The following FAM168A variants were observed in gnomAD, a reference collection of about 807,000 sequenced individuals.
The protein encoded by FAM168A is protein FAM168A.
Under a neutral mutation model 28.5 loss-of-function variants are expected in FAM168A, and 3 were observed. That is an observed-to-expected ratio of 0.11 (90% CI 0.05 to 0.27). FAM168A has a LOEUF of 0.27. Ranked by LOEUF, FAM168A falls within the 10% of genes least tolerant of loss-of-function variation. The pLI, the probability that FAM168A is intolerant of heterozygous loss-of-function variation, is 1.00. For synonymous variants in FAM168A, 122 were observed against 124.2 expected (o/e 0.98, Z 0.12); for missense variants, 222 against 311.5 (o/e 0.71, Z 2.16).
chr11:73,526,884 A>C (rs1308284557), intron 1 of FAM168A, among the ~76,000 whole-genome samples: 3 of 151,492 alleles, frequency 2.0e-5, no homozygotes, highest in Non-Finnish European at 4.4e-5. Flanking sequence ...AAAAAAAAAA[A>C]AAAAAAAAAC....
chr11:73,448,687 C>T (rs1274663094), intron 2 of FAM168A, among the ~76,000 whole-genome samples: 1 of 152,164 alleles, frequency 6.6e-6, no homozygotes, highest in Non-Finnish European at 1.5e-5. Flanking sequence ...TCTTTGCTTT[C>T]CTAGGAGAAG....
At chr11:73,560,274 A>C (rs962026938) in intron 1 of FAM168A, among the ~76,000 whole-genome samples, 5 of 151,790 alleles carry the variant, frequency 3.3e-5, no homozygotes, top group African/African-American at 1.2e-4. Context: ...ATGTTGCCCA[A>C]GTGGTCTTGA....
At chr11:73,450,441 A>C (rs926079483) in intron 2 of FAM168A, among the ~76,000 whole-genome samples, 3 of 152,252 alleles carry the variant, frequency 2.0e-5, no homozygotes, top group Admixed American at 6.5e-5. Context: ...GAAGCCCAAG[A>C]ATTAGCATTT....
chr11:73,559,795 A>G (rs1190342199), intron 1 of FAM168A, among the ~76,000 whole-genome samples: 1 of 152,248 alleles, frequency 6.6e-6, no homozygotes, highest in East Asian at 1.9e-4. Flanking sequence ...TGATATATAA[A>G]TTTCACCTCA....
chr11:73,455,867 T>C (rs1462288321), intron 2 of FAM168A, among the ~76,000 whole-genome samples: 1 of 152,170 alleles, frequency 6.6e-6, no homozygotes, highest in Non-Finnish European at 1.5e-5. Context: ...CTTTCTCTTT[T>C]AACAGCTCCT....
At chr11:73,454,513 G>A (rs1324817486) in intron 2 of FAM168A, among the ~76,000 whole-genome samples, 5 of 152,176 alleles carry the variant, frequency 3.3e-5, no homozygotes, top group African/African-American at 1.2e-4. Flanking sequence ...ATAGGGATAG[G>A]GGGCAGAGAA....
rs1866392027 is a variant in FAM168A, at chr11:73,400,867, A to G, written c.*5896T>C. On this transcript the variant is annotated 3_prime_UTR_variant, in exon 8 of 8. Coordinates refer to ENST00000356467, the MANE Select transcript of FAM168A (RefSeq NM_015159.3). Reference sequence around the variant, plus strand: ...GCTTACAGTAAATACCATAGTTACAAATTCTTGGCTTCAATCTTTCAGAGT... The same window carrying G: ...GCTTACAGTAAATACCATAGTTACAGATTCTTGGCTTCAATCTTTCAGAGT... 1 of 151,896 alleles carries G rather than the reference A, an allele frequency of 6.6e-6. No individual in the cohort carries two copies. Among genetic ancestry groups the G allele is most frequent in the African/African-American group, 2.4e-5 (1 of 41,276 alleles). The allele number at this position is 151,896 out of a possible 1,614,324, so 9.4% of individuals were successfully genotyped here. A position where few individuals can be genotyped will look rare whatever the true frequency, so the allele number is the denominator to read the frequency against.
chr11:73,410,110 T>TTG, intron 5 of FAM168A, among the ~76,000 whole-genome samples: 1 of 151,482 alleles, frequency 6.6e-6, no homozygotes. Context: ...AAAGTACATG[T>TTG]TGAAAAAAAA....
At chr11:73,583,917 T>C (rs1944278398) in intron 1 of FAM168A, among the ~76,000 whole-genome samples, 1 of 152,178 alleles carries the variant, frequency 6.6e-6, no homozygotes, top group South Asian at 2.1e-4. Context: ...AGTTTAACAC[T>C]AACTCCTATC....
chr11:73,409,369 A>T, intron 6 of FAM168A, 118 bp downstream of exon 6: 2 of 1,341,326 alleles, frequency 1.5e-6, no homozygotes, highest in Non-Finnish European at 2.0e-6. Context: ...TGGGTTCCCA[A>T]GCCCCCTGGC....
At chr11:73,586,952 C>T (rs943995841) in intron 1 of FAM168A, among the ~76,000 whole-genome samples, 2 of 151,764 alleles carry the variant, frequency 1.3e-5, no homozygotes, top group Admixed American at 6.6e-5. Context: ...TCTACTAAGG[C>T]AAAGAAAAAA....
At position 73,587,740 on chromosome 11, in the gene FAM168A, A is replaced by G. The variant is rs1480773174; in HGVS notation, c.-19+10183T>C. On this transcript the variant is annotated intron_variant, in intron 1 of 7. Coordinates refer to ENST00000356467, the MANE Select transcript of FAM168A (RefSeq NM_015159.3). ...TCTATGTGAAGAAATGGAAAAATGGAATGTACATTTAAAGCATTTTTTTTT... is the reference window on the plus strand; with the variant it reads ...TCTATGTGAAGAAATGGAAAAATGGGATGTACATTTAAAGCATTTTTTTTT... Among the ~76,000 whole-genome samples, 5 of 152,164 alleles carry G rather than the reference A, an allele frequency of 3.3e-5. No homozygotes were observed. The South Asian group carries it at 8.3e-4, about 25-fold the overall frequency.
intron 2 of FAM168A, among the ~76,000 whole-genome samples, chr11:73,467,880 T>C (rs569204490): frequency 1.3e-5 from 2 of 152,352 alleles, no homozygotes; most frequent in South Asian, 4.1e-4. Flanking sequence ...AAATATTTAC[T>C]GTTAATTTAA....
chr11:73,560,152 C>T (rs541273348), intron 1 of FAM168A, among the ~76,000 whole-genome samples: 4 of 152,178 alleles, frequency 2.6e-5, no homozygotes, highest in Admixed American at 2.0e-4. Flanking sequence ...CAGCCTCGAC[C>T]CCTCGGACTC....
chr11:73,530,451 A>T (rs2134663512), intron 1 of FAM168A, among the ~76,000 whole-genome samples: 1 of 152,260 alleles, frequency 6.6e-6, no homozygotes. Flanking sequence ...ATCTTGGTAC[A>T]TTTCAAAGCA....
chr11:73,513,924 C>T (rs1443641921), intron 1 of FAM168A, among the ~76,000 whole-genome samples: 1 of 152,244 alleles, frequency 6.6e-6, no homozygotes, highest in Non-Finnish European at 1.5e-5. Flanking sequence ...TGACTCATGC[C>T]TATAATCCTA....
chr11:73,430,983 G>A (rs779169717), intron 2 of FAM168A, among the ~76,000 whole-genome samples: 1 of 151,980 alleles, frequency 6.6e-6, no homozygotes, highest in Non-Finnish European at 1.5e-5. Flanking sequence ...AATATATGCA[G>A]ACTTTTTGGT....
intron 1 of FAM168A, among the ~76,000 whole-genome samples, chr11:73,542,903 C>A (rs1205380721): frequency 1.3e-5 from 2 of 152,152 alleles, no homozygotes; most frequent in African/African-American, 4.8e-5. Context: ...CGGGAAAATT[C>A]TCCTCTTCTC....
chr11:73,430,580 T>C, intron 3 of FAM168A, 110 bp downstream of exon 3: 1 of 1,003,078 alleles, frequency 1.0e-6, no homozygotes, highest in Non-Finnish European at 1.6e-6. Context: ...CTGGAGAGGC[T>C]GCGCCCGGAG....
Sources: allele counts gnomAD v4.1 joint callset (sites outside exome capture counted in the v4.1 genomes callset), GRCh38; gene constraint gnomAD v4.1.1; transcripts MANE v1.5; gene names NCBI Gene and HGNC (gene_info 2026-07-23, HGNC 2026-07-21).